Variants in PID1 observed in about 807,000 individuals in gnomAD.
PID1 encodes PTB-containing, cubilin and LRP1-interacting protein.
PID1 carries 10 observed loss-of-function variants against 19.1 expected under a neutral mutation model. The observed-to-expected ratio is 0.52, with a 90% confidence interval of 0.32 to 0.89. PID1 has a LOEUF of 0.89. Ranked by LOEUF, PID1 falls within the 40% of genes least tolerant of loss-of-function variation. PID1 has a pLI of 0.03. For missense variants in PID1, 248 were observed against 285.3 expected (o/e 0.87, Z 0.94); for synonymous variants, 130 against 116.0 (o/e 1.12, Z -0.78).
intron 2 of PID1, among the ~76,000 whole-genome samples, chr2:229,153,812 T>C (rs1021655394): frequency 6.6e-6 from 1 of 152,146 alleles, no homozygotes; most frequent in Non-Finnish European, 1.5e-5. Flanking sequence ...AACTGTGTAG[T>C]TTTTGCCCTT....
chr2:229,062,306 T>C (rs1198384240), intron 2 of PID1, among the ~76,000 whole-genome samples: 6 of 151,998 alleles, frequency 3.9e-5, no homozygotes, highest in Non-Finnish European at 8.8e-5. Flanking sequence ...AAGATGTTGT[T>C]TTTTGTCAAA....
intron 1 of PID1, among the ~76,000 whole-genome samples, chr2:229,196,843 T>C (rs1691388059): frequency 6.6e-6 from 1 of 152,112 alleles, no homozygotes; most frequent in African/African-American, 2.4e-5. Flanking sequence ...GTATGTTACA[T>C]GCATTTCCTA....
At chr2:229,168,525 C>G (rs1050232333) in intron 1 of PID1, among the ~76,000 whole-genome samples, 1 of 152,156 alleles carries the variant, frequency 6.6e-6, no homozygotes, top group Admixed American at 6.5e-5. Flanking sequence ...TTTTCCCCAG[C>G]AGTTACATCT....
chr2:229,129,661 T>C (rs1193118137), intron 2 of PID1, among the ~76,000 whole-genome samples: 5 of 152,300 alleles, frequency 3.3e-5, no homozygotes, highest in South Asian at 4.1e-4. Context: ...TATGCACAAG[T>C]ATGATCAAGA....
intron 2 of PID1, among the ~76,000 whole-genome samples, chr2:229,095,095 A>T (rs190214335): frequency 6.6e-6 from 1 of 152,306 alleles, no homozygotes; most frequent in East Asian, 1.9e-4. Flanking sequence ...ACTTCTAAGG[A>T]TAGCAAAACT....
intron 2 of PID1, among the ~76,000 whole-genome samples, chr2:229,058,334 T>C (rs1360158103): frequency 6.6e-6 from 1 of 152,220 alleles, no homozygotes; most frequent in African/African-American, 2.4e-5. Flanking sequence ...GCAGGAACTT[T>C]CCAATGGTCT....
chr2:229,059,983 T>G (rs1559214818), intron 2 of PID1, among the ~76,000 whole-genome samples: 1 of 152,148 alleles, frequency 6.6e-6, no homozygotes, highest in Admixed American at 6.6e-5. Context: ...CTTTTATTTA[T>G]GTATTTATAT....
intron 2 of PID1, among the ~76,000 whole-genome samples, chr2:229,057,471 A>AG (rs1694128691): frequency 6.7e-6 from 1 of 149,500 alleles, no homozygotes; most frequent in Non-Finnish European, 1.5e-5. Flanking sequence ...AAAAAAAAAA[A>AG]CCTACTAATT....
intron 1 of PID1, chr2:229,231,865 C>A: frequency 1.9e-6 from 3 of 1,547,340 alleles, no homozygotes; most frequent in Non-Finnish European, 2.6e-6. Context: ...GTTTGTGCTG[C>A]TATAACGAAA....
intron 2 of PID1, among the ~76,000 whole-genome samples, chr2:229,041,766 C>G (rs947127162): frequency 1.3e-5 from 2 of 151,936 alleles, no homozygotes; most frequent in African/African-American, 2.4e-5. Context: ...TCCATTACCC[C>G]CCTGCCAACC....
intron 1 of PID1, among the ~76,000 whole-genome samples, chr2:229,161,397 A>G (rs530887542): frequency 1.3e-5 from 2 of 152,230 alleles, no homozygotes; most frequent in South Asian, 4.2e-4. Flanking sequence ...TAGAATATGA[A>G]CCAGTGGACT....
At chr2:229,134,861 C>T (rs1225607856) in intron 2 of PID1, among the ~76,000 whole-genome samples, 1 of 152,078 alleles carries the variant, frequency 6.6e-6, no homozygotes, top group Non-Finnish European at 1.5e-5. Flanking sequence ...GAACTTTTCA[C>T]CTGATCACAG....
Position 229,266,532 on chromosome 2 carries a change from T to C in PID1, c.30+4482A>G, listed in dbSNP as rs77735107. Reference sequence around the variant, plus strand: ...CTCTCTGAGCCCACAAAACAGTCATTGCTCTAACTGTATTTATTAATAACA... The same window carrying C: ...CTCTCTGAGCCCACAAAACAGTCATCGCTCTAACTGTATTTATTAATAACA... On this transcript the variant is annotated intron_variant, in intron 1 of 2. Coordinates refer to ENST00000392055, the MANE Select transcript of PID1 (RefSeq NM_001100818.2). Among the ~76,000 whole-genome samples, 549 of 152,312 alleles carry C rather than the reference T, an allele frequency of 3.6e-3. 5 individuals carry two copies. The highest frequency in any genetic ancestry group is 4.1e-3 in the Non-Finnish European group (276 of 68,018).
chr2:229,118,415 A>G (rs1007811357), intron 2 of PID1, among the ~76,000 whole-genome samples: 1 of 152,198 alleles, frequency 6.6e-6, no homozygotes, highest in Non-Finnish European at 1.5e-5. Flanking sequence ...GAATAATACC[A>G]AGACAATGCC....
intron 1 of PID1, among the ~76,000 whole-genome samples, chr2:229,247,890 C>T (rs934445916): frequency 2.2e-4 from 33 of 152,198 alleles, no homozygotes; most frequent in Admixed American, 2.0e-4. Context: ...CACTTTATCA[C>T]ATTTGCTTTA....
intron 2 of PID1, among the ~76,000 whole-genome samples, chr2:229,056,803 G>A (rs991116670): frequency 4.6e-5 from 7 of 151,942 alleles, no homozygotes; most frequent in Non-Finnish European, 1.0e-4. Flanking sequence ...CCGTGTCCCT[G>A]GTGGTTCATC....
intron 2 of PID1, among the ~76,000 whole-genome samples, chr2:229,143,091 C>G (rs557056635): frequency 6.8e-6 from 1 of 147,212 alleles, no homozygotes; most frequent in African/African-American, 2.5e-5. Context: ...TAAACTATCA[C>G]AAGAACAAAA....
intron 2 of PID1, among the ~76,000 whole-genome samples, chr2:229,061,391 T>G (rs1694209257): frequency 6.6e-6 from 1 of 151,994 alleles, no homozygotes; most frequent in Admixed American, 6.6e-5. Context: ...TCTTGGCATC[T>G]TCATCAAAAA....
At chr2:229,172,981 A>G (rs551692712) in intron 1 of PID1, among the ~76,000 whole-genome samples, 2 of 152,028 alleles carry the variant, frequency 1.3e-5, no homozygotes, top group Admixed American at 6.5e-5. Flanking sequence ...GATCAACCCA[A>G]CTCAGCCTCC....
Sources: allele counts gnomAD v4.1 joint callset (sites outside exome capture counted in the v4.1 genomes callset), GRCh38; gene constraint gnomAD v4.1.1; transcripts MANE v1.5; gene names NCBI Gene and HGNC (gene_info 2026-07-23, HGNC 2026-07-21).